TEAD1: variants seen among roughly 807,000 people sequenced by gnomAD.
The protein encoded by TEAD1 is transcriptional enhancer factor TEF-1.
A neutral mutation model predicts 54.9 loss-of-function variants in TEAD1; 9 were observed. That is an observed-to-expected ratio of 0.16 (90% CI 0.10 to 0.29). The LOEUF is 0.29. Among genes scored for constraint, TEAD1 ranks in the 10% least tolerant of loss-of-function variants. The probability of loss-of-function intolerance (pLI) is 1.00; values close to 1 mark genes in which losing one functional copy is unlikely to be tolerated. For synonymous variants in TEAD1, 200 were observed against 187.8 expected (o/e 1.07, Z -0.53); for missense variants, 387 against 535.9 (o/e 0.72, Z 2.74).
At chr11:12,754,920 A>G (rs10831905) in intron 2 of TEAD1, among the ~76,000 whole-genome samples, 55,119 of 152,122 alleles carry the variant, frequency 0.36, 10,655 homozygotes, top group South Asian at 0.61. Flanking sequence ...ATCCAAAGTC[A>G]TAGAAGCTGG....
chr11:12,837,773 C>CCTCT lies in TEAD1; in HGVS notation c.203-24477_203-24476insCTCT, dbSNP rs1242745967. On this transcript the variant is annotated intron_variant, in intron 3 of 12. Coordinates refer to ENST00000527636, the MANE Select transcript of TEAD1 (RefSeq NM_021961.6). Reference sequence around the variant, plus strand: ...CCTCCTCTTCCTCTTCTTCTTCCTTCTCTTCCTCTTCTTCCTTCTTTCTTC... The same window carrying CCTCT: ...CCTCCTCTTCCTCTTCTTCTTCCTTCCTCTTCTTCCTCTTCTTCCTTCTTTCTTC... 6.6e-4 allele frequency among the ~76,000 whole-genome samples: 16 copies of CCTCT among 24,146 alleles called. No homozygotes were observed. In the East Asian group the frequency reaches 0.03, roughly 46 times the overall value. The allele number at this position is 24,146 out of a possible 152,430, so 15.8% of individuals were successfully genotyped here.
intron 5 of TEAD1, among the ~76,000 whole-genome samples, chr11:12,866,252 T>C (rs1393408135): frequency 6.6e-6 from 1 of 152,228 alleles, no homozygotes; most frequent in African/African-American, 2.4e-5. Flanking sequence ...GTTTCTAGTT[T>C]CTCTGAGCTA....
At chr11:12,773,378 C>T (rs1590135951) in intron 3 of TEAD1, among the ~76,000 whole-genome samples, 1 of 152,162 alleles carries the variant, frequency 6.6e-6, no homozygotes, top group East Asian at 1.9e-4. Context: ...GTAGTTGTAC[C>T]ACTTTACATT....
intron 2 of TEAD1, among the ~76,000 whole-genome samples, chr11:12,724,779 C>G (rs1427303554): frequency 6.6e-6 from 1 of 152,174 alleles, no homozygotes; most frequent in Non-Finnish European, 1.5e-5. Flanking sequence ...CTGCCCTCTC[C>G]TCCTCGCCCC....
At chr11:12,731,891 A>G (rs1158453053) in intron 2 of TEAD1, among the ~76,000 whole-genome samples, 1 of 152,114 alleles carries the variant, frequency 6.6e-6, no homozygotes, top group African/African-American at 2.4e-5. Flanking sequence ...TAAACCATTT[A>G]TCTCTCTACA....
intron 9 of TEAD1, among the ~76,000 whole-genome samples, chr11:12,900,572 G>A (rs912230493): frequency 2.0e-5 from 3 of 152,126 alleles, no homozygotes; most frequent in Non-Finnish European, 4.4e-5. Context: ...AGGCACTTGC[G>A]CAGTATCATA....
Position 12,862,316 on chromosome 11 carries a change from TA to T in TEAD1, c.267+6del. 6.2e-7 allele frequency: 1 copy of T among 1,613,644 alleles called. No individual in the cohort carries two copies. The highest frequency in any genetic ancestry group is 1.7e-5 in the Admixed American group (1 of 60,008). ...GGCAAGACGAGGACCAGAAAACAGGTAAAATAACCCACCTGGAAATTGTGCA... is the reference window on the plus strand; with the variant it reads ...GGCAAGACGAGGACCAGAAAACAGGTAAATAACCCACCTGGAAATTGTGCA... On this transcript the variant is annotated splice_donor_region_variant and intron_variant, in intron 4 of 12. Transcript: ENST00000527636.
chr11:12,875,423 G>A (rs985609320), intron 5 of TEAD1, among the ~76,000 whole-genome samples: 2 of 152,144 alleles, frequency 1.3e-5, no homozygotes, highest in African/African-American at 4.8e-5. Context: ...TCTTAGCTTG[G>A]CATTCTTTCA....
intron 2 of TEAD1, among the ~76,000 whole-genome samples, chr11:12,754,323 C>G (rs772919896): frequency 2.6e-4 from 40 of 152,334 alleles, no homozygotes; most frequent in Non-Finnish European, 5.0e-4. Context: ...GGCTCTGCCT[C>G]TGCCTCTGCC....
At chr11:12,890,520 G>A (rs4757963) in intron 9 of TEAD1, among the ~76,000 whole-genome samples, 1 of 152,020 alleles carries the variant, frequency 6.6e-6, no homozygotes, top group African/African-American at 2.4e-5. Flanking sequence ...GCAGATTACC[G>A]CAGCTCAGCC....
chr11:12,684,716 G>A (rs1057084126), intron 2 of TEAD1, among the ~76,000 whole-genome samples: 6 of 152,170 alleles, frequency 3.9e-5, no homozygotes, highest in Non-Finnish European at 7.3e-5. Context: ...AGAGCTGTAG[G>A]TGTGGCTGCT....
intron 3 of TEAD1, among the ~76,000 whole-genome samples, chr11:12,777,290 TGGG>T (rs1334133469): frequency 6.6e-6 from 1 of 152,170 alleles, no homozygotes. Context: ...TTACAGCTTC[TGGG>T]GTAATATTTA....
At chr11:12,874,323 C>T (rs1345173687) in intron 5 of TEAD1, among the ~76,000 whole-genome samples, 1 of 152,164 alleles carries the variant, frequency 6.6e-6, no homozygotes, top group African/African-American at 2.4e-5. Context: ...CTCTGATATC[C>T]AGACTGATCC....
intron 3 of TEAD1, among the ~76,000 whole-genome samples, chr11:12,850,388 G>T (rs1223396960): frequency 2.0e-5 from 3 of 152,168 alleles, no homozygotes; most frequent in Non-Finnish European, 2.9e-5. Context: ...GTGAGCCAAG[G>T]TCGTGCCATT....
intron 3 of TEAD1, among the ~76,000 whole-genome samples, chr11:12,828,654 GTTT>G (rs776583694): frequency 3.8e-5 from 5 of 132,426 alleles, no homozygotes; most frequent in Non-Finnish European, 6.4e-5. Flanking sequence ...GGGAGTGTGG[GTTT>G]TTTTTTTTTT....
At chr11:12,752,431 C>G (rs115570481) in intron 2 of TEAD1, among the ~76,000 whole-genome samples, 1 of 152,024 alleles carries the variant, frequency 6.6e-6, no homozygotes, top group East Asian at 1.9e-4. Context: ...AGTCAGTACT[C>G]CCAACCCTAA....
chr11:12,693,502 C>T (rs979962133), intron 2 of TEAD1, among the ~76,000 whole-genome samples: 7 of 152,196 alleles, frequency 4.6e-5, no homozygotes, highest in East Asian at 1.9e-4. Context: ...TCTATTTTTA[C>T]ATCTAGGGGA....
intron 2 of TEAD1, among the ~76,000 whole-genome samples, chr11:12,726,194 A>G (rs552038898): frequency 6.6e-6 from 1 of 152,302 alleles, no homozygotes; most frequent in Admixed American, 6.5e-5. Context: ...GCACATAACT[A>G]TTGGAGTGGG....
chr11:12,886,961 T>A (rs1332677489), intron 9 of TEAD1, among the ~76,000 whole-genome samples: 1 of 152,232 alleles, frequency 6.6e-6, no homozygotes, highest in Non-Finnish European at 1.5e-5. Flanking sequence ...TGTGAAATTA[T>A]TTTGCCTAAC....
Sources: gnomAD v4.1 joint callset for allele counts (sites outside exome capture counted in the v4.1 genomes callset) on GRCh38, gnomAD v4.1.1 for gene constraint, MANE v1.5 for transcripts, NCBI Gene and HGNC (gene_info 2026-07-23, HGNC 2026-07-21) for gene names.